The following SEMA3A variants were observed in gnomAD, a reference collection of about 807,000 sequenced individuals.
The protein encoded by SEMA3A is semaphorin 3A.
SEMA3A carries 29 observed loss-of-function variants against 97.9 expected under a neutral mutation model. The observed-to-expected ratio is 0.30, with a 90% CI of 0.22 to 0.40. The LOEUF (loss-of-function observed/expected upper bound fraction) is 0.40. SEMA3A is among the 10% of genes least tolerant of loss of function. SEMA3A has a pLI of 1.00. For synonymous variants in SEMA3A, 321 were observed against 323.7 expected (o/e 0.99, Z 0.09); for missense variants, 763 against 951.3 (o/e 0.80, Z 2.60).
At chr7:84,336,751 A>T (rs1802046702) in intron 2 of SEMA3A, among the ~76,000 whole-genome samples, 1 of 152,166 alleles carries the variant, frequency 6.6e-6, no homozygotes, top group African/African-American at 2.4e-5. Flanking sequence ...AGAGATTGAT[A>T]CATATTCCAA....
At chr7:84,479,729 T>C (rs1389236342) in intron 1 of SEMA3A, among the ~76,000 whole-genome samples, 2 of 152,144 alleles carry the variant, frequency 1.3e-5, no homozygotes, top group Admixed American at 6.5e-5. Context: ...CCAAATAATG[T>C]GAATATACGT....
chr7:84,009,976 T>C lies in SEMA3A; in HGVS notation c.995+1046A>G, dbSNP rs147711375. 1.2e-3 allele frequency among the ~76,000 whole-genome samples: 186 copies of C among 151,952 alleles called. 3 individuals carry two copies. The East Asian group carries it at 0.027, about 22-fold the overall frequency. On this transcript the variant is annotated intron_variant, in intron 9 of 16. Coordinates refer to ENST00000265362, the MANE Select transcript of SEMA3A (RefSeq NM_006080.3). ...TGAAAGTTTTTGTTTGTTTTTATTA[T>C]GTGCTGTAATGGTGAAGACTTTTGT... is the stretch of plus-strand genomic sequence containing the variant.
At chr7:84,341,593 C>G (rs1048910436) in intron 2 of SEMA3A, among the ~76,000 whole-genome samples, 1 of 152,018 alleles carries the variant, frequency 6.6e-6, no homozygotes, top group Non-Finnish European at 1.5e-5. Context: ...GTGGATAATA[C>G]TTCCTGAACA....
chr7:84,061,125 T>C (rs10155837), intron 4 of SEMA3A, among the ~76,000 whole-genome samples: 3,721 of 152,262 alleles, frequency 0.024, 165 homozygotes, highest in African/African-American at 0.086. Context: ...GCAGGTGAAG[T>C]GCCTGAAATG....
At position 84,306,943 on chromosome 7, in the gene SEMA3A, A is replaced by AT. The variant is rs111993631; in HGVS notation, c.-83+263dup. 2.8e-3 allele frequency among the ~76,000 whole-genome samples: 411 copies of AT among 148,680 alleles called. 1 individual carries two copies. The highest frequency in any genetic ancestry group is 5.1e-3 in the African/African-American group (206 of 40,712). ...CCCAGTGAAATTCCCAAGTCTGGAGATTTTTTTTTTTAAACCAAAATGGTA... is the reference window on the plus strand; with the variant it reads ...CCCAGTGAAATTCCCAAGTCTGGAGATTTTTTTTTTTTAAACCAAAATGGTA... On this transcript the variant is annotated intron_variant, in intron 3 of 3. Coordinates refer to the SEMA3A transcript ENST00000424555.
Position 83,961,441 on chromosome 7 carries a change from T to C in SEMA3A, c.2246A>G (p.His749Arg). 6.2e-7 allele frequency: 1 copy of C among 1,614,122 alleles called. No individual in the cohort carries two copies. The highest frequency in any genetic ancestry group is 8.5e-7 in the Non-Finnish European group (1 of 1,179,948). ...TCTACCTTTCTTATTTTCTTGTAAG[T>C]GCTTCCATTTGTTACTGTTCCCTGG... The part of the protein sequence containing the change: ...HTPGNSNKWK[H>R]LQENKKGRNR... The change falls in exon 17 of 17, where the codon CAC becomes CGC. Residue 749 changes from histidine (H) to arginine (R), a missense_variant. His to Arg is a conservative substitution (Grantham distance 29). Transcript: ENST00000265362.
intron 1 of SEMA3A, among the ~76,000 whole-genome samples, chr7:84,430,819 G>A (rs2158658): frequency 0.12 from 17,743 of 148,430 alleles, 1,921 homozygotes; most frequent in African/African-American, 0.27. Context: ...GTGTGTGTGT[G>A]TGTATTTAGA....
At chr7:84,423,888 A>C (rs193103593) in intron 1 of SEMA3A, among the ~76,000 whole-genome samples, 77 of 152,148 alleles carry the variant, frequency 5.1e-4, no homozygotes, top group Non-Finnish European at 9.4e-4. Flanking sequence ...AATATATTTA[A>C]AAAATATTCA....
intron 3 of SEMA3A, among the ~76,000 whole-genome samples, chr7:84,289,036 T>TAA (rs77590662): frequency 6.6e-6 from 1 of 151,398 alleles, no homozygotes; most frequent in Admixed American, 6.6e-5. Flanking sequence ...ATTCAGCTGT[T>TAA]AAAAAAAAAT....
At chr7:84,459,511 A>G (rs1048612021) in intron 1 of SEMA3A, among the ~76,000 whole-genome samples, 4 of 152,212 alleles carry the variant, frequency 2.6e-5, no homozygotes, top group African/African-American at 9.6e-5. Flanking sequence ...TAATGTTAGT[A>G]GAGATGAAAT....
intron 3 of SEMA3A, among the ~76,000 whole-genome samples, chr7:84,205,192 T>A (rs1798459789): frequency 6.6e-6 from 1 of 152,218 alleles, no homozygotes; most frequent in Admixed American, 6.5e-5. Flanking sequence ...ATTATGGGAA[T>A]ATCTCCTGCT....
chr7:84,195,422 CGTGTGTGTGTGT>C (rs34874027), upstream of SEMA3A: 2 of 147,796 alleles, frequency 1.4e-5, no homozygotes, highest in East Asian at 2.0e-4. Flanking sequence ...TGTATGTGTG[CGTGTGTGTGTGT>C]GTGTGTGTGT....
chr7:84,189,252 T>C (rs1014613323), intron 1 of SEMA3A, among the ~76,000 whole-genome samples: 4 of 151,874 alleles, frequency 2.6e-5, no homozygotes, highest in African/African-American at 9.7e-5. Flanking sequence ...CAATGAATTA[T>C]TTATCACATA....
At chr7:84,005,244 G>T in intron 11 of SEMA3A, 95 bp downstream of exon 11, 2 of 876,586 alleles carry the variant, frequency 2.3e-6, no homozygotes, top group Non-Finnish European at 3.8e-6. Flanking sequence ...TGCACAGAGG[G>T]TTGGCATCCC....
At chr7:84,281,597 T>G (rs1400225646) in intron 3 of SEMA3A, among the ~76,000 whole-genome samples, 8 of 152,326 alleles carry the variant, frequency 5.3e-5, no homozygotes, top group African/African-American at 1.9e-4. Context: ...TTTTTCTCAG[T>G]TTATTCCAAT....
rs1562941643 is a variant in SEMA3A at position 83,963,219 on chromosome 7, C to G, written c.1846G>C (p.Glu616Gln). ...CATTCCTGTACCTCTTCTTTTCGCTCTTCATTTCGCCTCTGGAATTGCCAA... is the reference window on the plus strand; with the variant it reads ...CATTCCTGTACCTCTTCTTTTCGCTGTTCATTTCGCCTCTGGAATTGCCAA... ...VYWQFQRRNE[E>Q]RKEEIRVDDH... is the part of the protein sequence containing the mutation. The change falls in exon 16 of 17, where the codon GAG (glutamate) becomes CAG (glutamine). Residue 616 changes from glutamate to glutamine, a missense_variant. This residue lies in a region of SEMA3A where 678 missense variants were observed against 881.3 expected (regional missense o/e 0.77). Transcript: ENST00000265362. 1 of 1,613,236 alleles carries G rather than the reference C, an allele frequency of 6.2e-7. No individual in the cohort carries two copies. The highest frequency in any genetic ancestry group is 8.5e-7 in the Non-Finnish European group (1 of 1,179,984).
At chr7:84,065,106 T>C (rs1793426808) in intron 4 of SEMA3A, among the ~76,000 whole-genome samples, 1 of 142,728 alleles carries the variant, frequency 7.0e-6, no homozygotes, top group Admixed American at 7.1e-5. Flanking sequence ...GAACTCAGGA[T>C]TAAGAATCTC....
chr7:84,383,437 A>G (rs1368734829), intron 1 of SEMA3A, among the ~76,000 whole-genome samples: 3 of 152,188 alleles, frequency 2.0e-5, no homozygotes, highest in Admixed American at 2.0e-4. Context: ...ATTCTAGTTT[A>G]CTTGCAACAG....
chr7:84,155,461 T>C (rs1158005136), intron 1 of SEMA3A, among the ~76,000 whole-genome samples: 1 of 152,162 alleles, frequency 6.6e-6, no homozygotes. Flanking sequence ...CCAAACAACT[T>C]GGCAAAATCA....
Sources: allele counts gnomAD v4.1 joint callset (sites outside exome capture counted in the v4.1 genomes callset), GRCh38; gene constraint gnomAD v4.1.1; regional missense constraint gnomAD v4.1.1; transcripts MANE v1.5; gene names NCBI Gene and HGNC (gene_info 2026-07-23, HGNC 2026-07-21).